BDKRB2: variants seen among roughly 807,000 people sequenced by gnomAD.
The protein encoded by BDKRB2 is bradykinin receptor B2, also known as B2 bradykinin receptor.
BDKRB2 carries 6 observed loss-of-function variants against 4.0 expected under a neutral mutation model. The ratio of observed to expected loss-of-function variants is 1.49; its 90% confidence interval spans 0.81 to 2.93. The LOEUF (loss-of-function observed/expected upper bound fraction) is 2.93, where lower values mean the gene tolerates loss of function less well. Ranked by LOEUF, BDKRB2 falls within the 30% of genes most tolerant of loss-of-function variation. The pLI is 0.00. For missense variants in BDKRB2, 478 were observed against 520.1 expected (o/e 0.92, Z 0.79); for synonymous variants, 225 against 215.3 (o/e 1.05, Z -0.40).
At chr14:96,213,779 G>A (rs1453638517) in intron 1 of BDKRB2, among the ~76,000 whole-genome samples, 1 of 151,952 alleles carries the variant, frequency 6.6e-6, no homozygotes, top group Admixed American at 6.5e-5. Context: ...ACAATCACAA[G>A]TATCCCCCCC....
rs1219110798 is a variant in BDKRB2, at chr14:96,244,120, A to G, written c.*2616A>G. ...ATCCAAACGAGAAAATCATGTAAACATGTGTCTTTTCTGTAGAGCATAATA... is the reference window on the plus strand; with the variant it reads ...ATCCAAACGAGAAAATCATGTAAACGTGTGTCTTTTCTGTAGAGCATAATA... On this transcript the variant is annotated 3_prime_UTR_variant, in exon 3 of 3. Coordinates refer to ENST00000554311, the MANE Select transcript of BDKRB2 (RefSeq NM_001379692.1). The G allele has an allele frequency of 5.0e-6, 2 of 398,464 alleles. No individual in the cohort carries two copies. Among genetic ancestry groups the G allele is most frequent in the African/African-American group, 4.1e-5 (2 of 48,632 alleles). 24.7% of individuals were successfully genotyped at this position (398,464 alleles called of 1,614,324 possible).
intron 2 of BDKRB2, chr14:96,239,355 C>T: frequency 2.0e-6 from 2 of 984,472 alleles, no homozygotes; most frequent in East Asian, 1.1e-4. Context: ...AGAGGTCAAG[C>T]ATTTTGCCCA....
intron 1 of BDKRB2, among the ~76,000 whole-genome samples, chr14:96,205,755 CAA>C (rs1890165477): frequency 6.6e-6 from 1 of 152,186 alleles, no homozygotes; most frequent in Admixed American, 6.5e-5. Flanking sequence ...CCTCTTTATG[CAA>C]AGATAGAGGT....
At chr14:96,206,271 A>G (rs1380991408) in intron 1 of BDKRB2, among the ~76,000 whole-genome samples, 1 of 152,148 alleles carries the variant, frequency 6.6e-6, no homozygotes, top group Non-Finnish European at 1.5e-5. Context: ...AAGAGGAAGC[A>G]TGCGTGCTGT....
rs187495903 is a variant in BDKRB2 at position 96,232,750 on chromosome 14, A to C, written c.-39-4319A>C. 2.3e-4 allele frequency among the ~76,000 whole-genome samples: 35 copies of C among 152,354 alleles called. No homozygotes were observed. In the East Asian group the frequency reaches 5.8e-3, roughly 25 times the overall value. Reference sequence around the variant, plus strand: ...CTGAGACGTTCTTGTTGGCCTAATCAGGAGGAACGACTAGATTATTCAATT... The same window carrying C: ...CTGAGACGTTCTTGTTGGCCTAATCCGGAGGAACGACTAGATTATTCAATT... On this transcript the variant is annotated intron_variant, in intron 1 of 2. Coordinates refer to ENST00000554311, the MANE Select transcript of BDKRB2 (RefSeq NM_001379692.1).
intron 1 of BDKRB2, among the ~76,000 whole-genome samples, chr14:96,215,993 T>C (rs564536390): frequency 6.6e-6 from 1 of 152,322 alleles, no homozygotes; most frequent in African/African-American, 2.4e-5. Flanking sequence ...GGTGAGCCAC[T>C]GTTGCGTGCC....
intron 1 of BDKRB2, chr14:96,223,269 G>T (rs1890616610): frequency 9.6e-7 from 1 of 1,044,522 alleles, no homozygotes; most frequent in South Asian, 1.3e-5. Flanking sequence ...GTCAGGGATG[G>T]GTCCATAATA....
At chr14:96,236,683 C>T (rs1236415612) in intron 1 of BDKRB2, among the ~76,000 whole-genome samples, 1 of 152,184 alleles carries the variant, frequency 6.6e-6, no homozygotes, top group Non-Finnish European at 1.5e-5. Flanking sequence ...ACACCAAGCG[C>T]CTTCCTGACT....
chr14:96,230,062 A>G (rs1890783243), intron 1 of BDKRB2, among the ~76,000 whole-genome samples: 2 of 151,742 alleles, frequency 1.3e-5, no homozygotes, highest in Non-Finnish European at 2.9e-5. Flanking sequence ...TGAACCCGGG[A>G]GGCAGAGCTT....
intron 1 of BDKRB2, among the ~76,000 whole-genome samples, chr14:96,231,126 AG>A (rs1465969277): frequency 4.6e-5 from 7 of 152,238 alleles, no homozygotes; most frequent in Admixed American, 4.6e-4. Flanking sequence ...GGGGTATCCA[AG>A]GGTGAGCAAA....
At chr14:96,228,620 T>C (rs549624033) in intron 1 of BDKRB2, among the ~76,000 whole-genome samples, 31 of 152,316 alleles carry the variant, frequency 2.0e-4, no homozygotes, top group African/African-American at 7.5e-4. Context: ...GTTTGGGGTT[T>C]TTATGGGTAT....
chr14:96,218,657 C>G (rs1450079707), intron 1 of BDKRB2, among the ~76,000 whole-genome samples: 1 of 152,148 alleles, frequency 6.6e-6, no homozygotes, highest in Non-Finnish European at 1.5e-5. Context: ...GTGGCTCATG[C>G]CTGTAATCCC....
At chr14:96,217,062 T>G (rs976960069) in intron 1 of BDKRB2, among the ~76,000 whole-genome samples, 1 of 152,196 alleles carries the variant, frequency 6.6e-6, no homozygotes, top group Non-Finnish European at 1.5e-5. Flanking sequence ...TTGAATACCT[T>G]TAGTGACAGG....
Position 96,204,968 on chromosome 14 carries a change from C to G in BDKRB2, c.-40+9C>G, listed in dbSNP as rs1369655326. On this transcript the variant is annotated intron_variant, in intron 1 of 2. Transcript: ENST00000554311. The stretch of plus-strand genomic sequence containing the variant: ...CGCTTGCTCCGGAGAAGGTGGGTGC[C>G]GGGCAGGGGCTGCTCCAGCCGCCTC... 1.4e-5 allele frequency: 3 copies of G among 213,780 alleles called. No individual in the cohort carries two copies. The highest frequency in any genetic ancestry group is 7.2e-5 in the African/African-American group (3 of 41,948). The allele number at this position is 213,780 out of a possible 1,614,324, so 13.2% of individuals were successfully genotyped here.
intron 2 of BDKRB2, chr14:96,238,134 T>C (rs958550437): frequency 2.1e-6 from 2 of 971,520 alleles, no homozygotes; most frequent in African/African-American, 3.5e-5. Context: ...TGTTCCAAGA[T>C]GTCTGGGGCC....
chr14:96,228,085 C>CTGCCCTGGGAGAAGGGAGAG (rs141838696), intron 1 of BDKRB2, among the ~76,000 whole-genome samples: 4,917 of 152,288 alleles, frequency 0.032, 170 homozygotes, highest in East Asian at 0.16. Flanking sequence ...TCCTTGGGGC[C>CTGCCCTGGGAGAAGGGAGAG]TGCCCTGGGA....
intron 1 of BDKRB2, chr14:96,211,155 C>A (rs1890293017): frequency 6.6e-6 from 1 of 152,276 alleles, no homozygotes; most frequent in Non-Finnish European, 1.5e-5. Flanking sequence ...GCCCCGCCAT[C>A]CCTACCAAAC....
chr14:96,225,458 T>G (rs920947128), intron 1 of BDKRB2, among the ~76,000 whole-genome samples: 5 of 96,172 alleles, frequency 5.2e-5, no homozygotes, highest in Non-Finnish European at 1.0e-4. Flanking sequence ...GATATCCTAA[T>G]TTTTTTTTTG....
intron 1 of BDKRB2, among the ~76,000 whole-genome samples, chr14:96,205,806 C>G (rs1373981855): frequency 6.6e-6 from 1 of 152,198 alleles, no homozygotes; most frequent in Non-Finnish European, 1.5e-5. Flanking sequence ...GTCATAGGCA[C>G]TAAATAAATG....
Sources: gnomAD v4.1 joint callset for allele counts (sites outside exome capture counted in the v4.1 genomes callset) on GRCh38, gnomAD v4.1.1 for gene constraint, MANE v1.5 for transcripts, NCBI Gene and HGNC (gene_info 2026-07-23, HGNC 2026-07-21) for gene names.